The following DHX29 variants were observed in gnomAD, a reference collection of about 807,000 sequenced individuals.
DHX29 encodes ATP-dependent RNA helicase DHX29.
DHX29 carries 79 observed loss-of-function variants against 167.9 expected under a neutral mutation model. The ratio of observed to expected loss-of-function variants is 0.47; its 90% CI spans 0.39 to 0.57. DHX29 has a LOEUF of 0.57. DHX29 is among the 20% of genes least tolerant of loss of function. DHX29 has a pLI of 0.00. For missense variants in DHX29, 1,347 were observed against 1,593.4 expected, an observed-to-expected ratio of 0.85 and a Z score of 2.63; for synonymous variants, 530 against 546.0, an observed-to-expected ratio of 0.97 and a Z score of 0.41.
Position 55,262,734 on chromosome 5 carries a change from T to C in DHX29, c.3724A>G (p.Lys1242Glu). 5 of 1,614,122 alleles carry C rather than the reference T, an allele frequency of 3.1e-6. No homozygotes were observed. Among genetic ancestry groups the C allele is most frequent in the Middle Eastern group, 1.7e-4 (1 of 6,060 alleles). ...GCCGTCTCCACAATGCAAGCCAATT[T>C]TTCTGTAACATCCACTGACTTTGTA... ...IYTKSVDVTEKLACIVETAQG... is the reference protein window; with the variant it reads ...IYTKSVDVTEELACIVETAQG... Residue 1242 changes from lysine to glutamate, a missense_variant, in exon 24 of 27, where the codon AAA (lysine) becomes GAA (glutamate). This residue lies in a region of DHX29 where 882 missense variants were observed against 1,082.4 expected (regional missense o/e 0.81). Transcript: ENST00000251636.
intron 8 of DHX29, 112 bp from the exon 9 acceptor site, chr5:55,285,973 G>T: frequency 3.5e-6 from 3 of 847,742 alleles, no homozygotes; most frequent in Non-Finnish European, 5.1e-6. Context: ...TAATACTTGA[G>T]GCCAGGTGCA....
Position 55,270,700 on chromosome 5 carries a change from A to AT in DHX29, c.2870dup (p.His957GlnfsTer2). The AT allele has an allele frequency of 6.2e-7, 1 of 1,611,340 alleles. No individual in the cohort carries two copies. Among genetic ancestry groups the AT allele is most frequent in the Non-Finnish European group, 8.5e-7 (1 of 1,177,552 alleles). On this transcript the variant is annotated frameshift_variant, in exon 19 of 27. Coordinates refer to ENST00000251636, the MANE Select transcript of DHX29 (RefSeq NM_019030.4). LOFTEE classifies it high-confidence loss of function. ...CCAAAGAACTCATCTGACTGCTTTC[A>AT]TGGTACCTAAAGAAATGTTTTAGGA...
intron 14 of DHX29, among the ~76,000 whole-genome samples, chr5:55,275,439 T>C (rs1460334611): frequency 1.3e-5 from 2 of 152,218 alleles, no homozygotes; most frequent in African/African-American, 2.4e-5. Context: ...GAAATAACTA[T>C]ATTCTAAAGT....
At chr5:55,289,127 T>C in intron 8 of DHX29, 143 bp downstream of exon 8, 1 of 934,354 alleles carries the variant, frequency 1.1e-6, no homozygotes, top group South Asian at 2.7e-5. Flanking sequence ...TGTTAATACT[T>C]TTTCAAGACA....
At chr5:55,278,147 G>T (rs1189549167) in intron 12 of DHX29, among the ~76,000 whole-genome samples, 1 of 152,160 alleles carries the variant, frequency 6.6e-6, no homozygotes, top group Non-Finnish European at 1.5e-5. Context: ...GAGCACGGAT[G>T]AGGTATACTG....
Position 55,294,159 on chromosome 5 carries a change from A to G in DHX29, c.652-14T>C. On this transcript the variant is annotated splice_polypyrimidine_tract_variant and intron_variant, in intron 5 of 26. Coordinates refer to ENST00000251636, the MANE Select transcript of DHX29 (RefSeq NM_019030.4). Reference sequence around the variant, plus strand: ...TTCCTTTTTTGGCTAGAAAGAGAAAACAAATATCTGAAAAACCAAAGTTAG... The same window carrying G: ...TTCCTTTTTTGGCTAGAAAGAGAAAGCAAATATCTGAAAAACCAAAGTTAG... 1 of 1,567,434 alleles carries G rather than the reference A, an allele frequency of 6.4e-7. No homozygotes were observed. Among genetic ancestry groups the G allele is most frequent in the Middle Eastern group, 1.7e-4 (1 of 5,876 alleles).
chr5:55,282,554 A>G (rs980776907), intron 11 of DHX29, among the ~76,000 whole-genome samples: 5 of 152,230 alleles, frequency 3.3e-5, no homozygotes, highest in African/African-American at 1.2e-4. Context: ...TGCCATCTCC[A>G]GAAAGAACAA....
At chr5:55,270,311 T>A in intron 20 of DHX29, 101 bp downstream of exon 20, 1 of 1,320,814 alleles carries the variant, frequency 7.6e-7, no homozygotes, top group South Asian at 1.6e-5. Flanking sequence ...AGTAAAAAAG[T>A]TGAAAATCTA....
Position 55,294,122 on chromosome 5 carries a change from C to T in DHX29, c.675G>A (p.Met225Ile). Residue 225 changes from methionine (M) to isoleucine (I), a missense_variant, in exon 6 of 27, where the codon ATG (methionine) becomes ATA (isoleucine). By Grantham distance (10) the Met-to-Ile change is conservative. Coordinates refer to ENST00000251636, the MANE Select transcript of DHX29 (RefSeq NM_019030.4). ...KSKPKKEEKN[M>I]EVNMKEWILR... ...AAATCCACTCTTTCATATTTACTTC[C>T]ATATTTTTTTCTTCCTTTTTTGGCT... The T allele has an allele frequency of 2.5e-6, 4 of 1,593,282 alleles. No individual in the cohort carries two copies. The highest frequency in any genetic ancestry group is 3.4e-6 in the Non-Finnish European group (4 of 1,172,964).
In DHX29 at chr5:55,269,502, A is replaced by T. The variant is rs1386413722; in HGVS notation, c.3205T>A (p.Leu1069Met). The change falls in exon 21 of 27, where the codon TTG becomes ATG. Residue 1069 changes from leucine (L) to methionine (M), a missense_variant. By Grantham distance (15) the Leu-to-Met change is conservative. Around this residue, in one of 3 missense-constraint regions of DHX29, gnomAD observed 882 missense variants for 1,082.4 expected, o/e 0.81. Transcript: ENST00000251636. ...CELNEPKLTP[L>M]GQHLAALPVN... Reference sequence around the variant, plus strand: ...GGTAAAGCTGCAAGGTGTTGGCCCAACGGAGTCAGTTTAGGCTCATTTAAT... The same window carrying T: ...GGTAAAGCTGCAAGGTGTTGGCCCATCGGAGTCAGTTTAGGCTCATTTAAT... 1 of 1,614,156 alleles carries T rather than the reference A, an allele frequency of 6.2e-7. No individual in the cohort carries two copies. Among genetic ancestry groups the T allele is most frequent in the South Asian group, 1.1e-5 (1 of 91,090 alleles).
chr5:55,257,631 G>A (rs1422632705), intron 26 of DHX29, among the ~76,000 whole-genome samples: 1 of 152,188 alleles, frequency 6.6e-6, no homozygotes, highest in South Asian at 2.1e-4. Context: ...GAGAGTAAAA[G>A]AAAGTACAAG....
chr5:55,267,114 T>G, intron 23 of DHX29, 24 bp downstream of exon 23: 1 of 1,472,280 alleles, frequency 6.8e-7, no homozygotes, highest in Non-Finnish European at 9.4e-7. Context: ...TGACTCTGAG[T>G]GAGAGATCCA....
chr5:55,300,194 AG>A (rs1748529164), intron 1 of DHX29, among the ~76,000 whole-genome samples: 1 of 151,820 alleles, frequency 6.6e-6, no homozygotes, highest in Non-Finnish European at 1.5e-5. Flanking sequence ...CAATATAGTG[AG>A]ACTTTGCCTC....
In DHX29 at chr5:55,294,008, T is replaced by G. The variant is rs1424962848; in HGVS notation, c.780+9A>C. The G allele has an allele frequency of 6.2e-7, 1 of 1,602,430 alleles. No individual in the cohort carries two copies. Among genetic ancestry groups the G allele is most frequent in the African/African-American group, 1.3e-5 (1 of 74,166 alleles). On this transcript the variant is annotated intron_variant, in intron 6 of 26. Transcript: ENST00000251636. ...TCCAGTTAGAAGCCTAACACAAATT[T>G]CTACTCACAGGGTCAAATTTTTCCT... is the stretch of plus-strand genomic sequence containing the variant.
intron 12 of DHX29, among the ~76,000 whole-genome samples, chr5:55,278,618 G>A (rs1209763013): frequency 6.6e-6 from 1 of 152,094 alleles, no homozygotes; most frequent in Non-Finnish European, 1.5e-5. Flanking sequence ...TGTATAGGAT[G>A]GTTTGAAATT....
At chr5:55,287,596 A>G (rs1747804767) in intron 8 of DHX29, among the ~76,000 whole-genome samples, 1 of 152,174 alleles carries the variant, frequency 6.6e-6, no homozygotes, top group Non-Finnish European at 1.5e-5. Flanking sequence ...TTTTAAAAAA[A>G]CAATTAACTA....
intron 11 of DHX29, chr5:55,282,926 T>G: frequency 4.3e-6 from 1 of 230,880 alleles, no homozygotes. Flanking sequence ...CTGTTCAATT[T>G]AGTGTGTAAC....
chr5:55,283,375 CCT>C lies in DHX29; in HGVS notation c.1791_1792del (p.Gly598GlufsTer3), dbSNP rs754225502. Reference sequence around the variant, plus strand: ...TGGTACCTGAGTACTTTTACCACTCCCTGTTTCACCTGCCACAACCACTACCC... The same window carrying C: ...TGGTACCTGAGTACTTTTACCACTCCGTTTCACCTGCCACAACCACTACCC... On this transcript the variant is annotated frameshift_variant, in exon 11 of 27. Coordinates refer to ENST00000251636, the MANE Select transcript of DHX29 (RefSeq NM_019030.4). LOFTEE classifies it high-confidence loss of function. 1.4e-5 allele frequency: 22 copies of C among 1,614,030 alleles called. No homozygotes were observed. Among genetic ancestry groups the C allele is most frequent in the East Asian group, 2.2e-5 (1 of 44,892 alleles).
At chr5:55,260,527 G>GGCTTGGGGTGTAACATTTTTTAAAATA (rs1746266912) in intron 25 of DHX29, among the ~76,000 whole-genome samples, 1 of 151,692 alleles carries the variant, frequency 6.6e-6, no homozygotes, top group Admixed American at 6.6e-5. Context: ...CATGGCACCC[G>GGCTTGGGGTGTAACATTTTTTAAAATA]GCTTTATTGA....
Sources: allele counts gnomAD v4.1 joint callset (sites outside exome capture counted in the v4.1 genomes callset), GRCh38; gene constraint gnomAD v4.1.1; regional missense constraint gnomAD v4.1.1; transcripts MANE v1.5; gene names NCBI Gene and HGNC (gene_info 2026-07-23, HGNC 2026-07-21).